The following DPP10 variants were observed in gnomAD, a reference collection of about 807,000 sequenced individuals.
DPP10 encodes the protein inactive dipeptidyl peptidase 10.
In DPP10, 33 loss-of-function variants were observed where a neutral mutation model predicts 120.9. The observed-to-expected ratio is 0.27, with a 90% CI of 0.21 to 0.37. The LOEUF is 0.37. DPP10 is among the 10% of genes least tolerant of loss of function. The pLI is 1.00. For missense variants in DPP10, 816 were observed against 942.8 expected (o/e 0.87, Z 1.76); for synonymous variants, 337 against 326.1 (o/e 1.03, Z -0.36).
chr2:115,273,486 G>A (rs1222804552), intron 1 of DPP10, among the ~76,000 whole-genome samples: 4 of 152,068 alleles, frequency 2.6e-5, no homozygotes, highest in Non-Finnish European at 4.4e-5. Flanking sequence ...ACAGGCGCCC[G>A]CCACCATGCC....
At chr2:114,480,835 T>G (rs1680967764) in intron 1 of DPP10, among the ~76,000 whole-genome samples, 1 of 151,646 alleles carries the variant, frequency 6.6e-6, no homozygotes. Flanking sequence ...TGTGCACATG[T>G]ACCCTAGAAC....
chr2:114,482,222 A>G (rs1306681813), intron 1 of DPP10, among the ~76,000 whole-genome samples: 8 of 152,126 alleles, frequency 5.3e-5, no homozygotes, highest in Non-Finnish European at 1.2e-4. Context: ...AAAAAATGCC[A>G]ATGTTTTAGA....
At chr2:115,674,685 C>A (rs1351384907) in intron 5 of DPP10, among the ~76,000 whole-genome samples, 1 of 152,076 alleles carries the variant, frequency 6.6e-6, no homozygotes, top group African/African-American at 2.4e-5. Context: ...ACATGCCAGT[C>A]CAGCTGAATA....
At chr2:115,779,798 G>T (rs1489853630) in intron 15 of DPP10, among the ~76,000 whole-genome samples, 1 of 151,712 alleles carries the variant, frequency 6.6e-6, no homozygotes. Context: ...GAAAAAAAAT[G>T]GCTATGGATA....
intron 5 of DPP10, among the ~76,000 whole-genome samples, chr2:115,626,785 A>T (rs192671609): frequency 6.6e-6 from 1 of 152,284 alleles, no homozygotes; most frequent in East Asian, 1.9e-4. Context: ...ATTTTCATCC[A>T]TCTTAAATTT....
chr2:115,621,973 C>T (rs1016145511), intron 5 of DPP10, among the ~76,000 whole-genome samples: 1 of 152,180 alleles, frequency 6.6e-6, no homozygotes, highest in Non-Finnish European at 1.5e-5. Context: ...CCACCACGCC[C>T]AGCCACAAAT....
chr2:115,155,406 G>A (rs1040083354), intron 1 of DPP10, among the ~76,000 whole-genome samples: 1 of 151,796 alleles, frequency 6.6e-6, no homozygotes, highest in Non-Finnish European at 1.5e-5. Context: ...AAGGTCAGGG[G>A]ACCCCTGAAG....
intron 4 of DPP10, among the ~76,000 whole-genome samples, chr2:115,518,402 T>A (rs1187429652): frequency 6.6e-6 from 1 of 152,174 alleles, no homozygotes; most frequent in East Asian, 1.9e-4. Context: ...AAACCTAAAA[T>A]GAGCCTTTGA....
At chr2:115,090,344 C>G (rs1709140084) in intron 1 of DPP10, among the ~76,000 whole-genome samples, 1 of 152,058 alleles carries the variant, frequency 6.6e-6, no homozygotes, top group Non-Finnish European at 1.5e-5. Context: ...TCTGTTATTA[C>G]CTCTCTTAAT....
rs779391922 is a variant in DPP10, at chr2:115,836,141, TA to T, written c.1951-15del. On this transcript the variant is annotated splice_polypyrimidine_tract_variant and intron_variant, in intron 21 of 25. Coordinates refer to ENST00000410059, the MANE Select transcript of DPP10 (RefSeq NM_020868.6). ...TGAGATATATATATATATATATATA[TA>T]TTTTTCCCCCCCAGGGTTATGGTGG... is the stretch of plus-strand genomic sequence containing the variant. 176 of 1,376,488 alleles carry T rather than the reference TA, an allele frequency of 1.3e-4. No individual in the cohort carries two copies. Among genetic ancestry groups the T allele is most frequent in the South Asian group, 5.0e-4 (34 of 67,956 alleles). The allele number at this position is 1,376,488 out of a possible 1,614,324, so 85.3% of individuals were successfully genotyped here. A position where few individuals can be genotyped will look rare whatever the true frequency, so the allele number is the denominator to read the frequency against.
At chr2:114,860,324 C>T (rs1446817535) in intron 1 of DPP10, among the ~76,000 whole-genome samples, 5 of 152,110 alleles carry the variant, frequency 3.3e-5, no homozygotes, top group South Asian at 2.1e-4. Context: ...CCAGAAGCTA[C>T]GCCTGTTATT....
At chr2:115,331,421 T>C (rs2062723421) in intron 2 of DPP10, among the ~76,000 whole-genome samples, 1 of 152,186 alleles carries the variant, frequency 6.6e-6, no homozygotes. Flanking sequence ...TATTTCTTCC[T>C]CCTGCCTGAT....
chr2:114,714,373 A>G (rs1439753636), intron 1 of DPP10, among the ~76,000 whole-genome samples: 1 of 152,230 alleles, frequency 6.6e-6, no homozygotes, highest in Non-Finnish European at 1.5e-5. Context: ...CCTTGGAAAT[A>G]GATAATCAAG....
At chr2:114,975,280 A>AAG (rs1699678751) in intron 1 of DPP10, among the ~76,000 whole-genome samples, 1 of 152,106 alleles carries the variant, frequency 6.6e-6, no homozygotes, top group Non-Finnish European at 1.5e-5. Context: ...TCTTGACCTC[A>AAG]TGATCCACTC....
intron 1 of DPP10, among the ~76,000 whole-genome samples, chr2:114,895,093 T>G (rs962023944): frequency 6.6e-6 from 1 of 152,206 alleles, no homozygotes; most frequent in African/African-American, 2.4e-5. Context: ...TACAAGTAGT[T>G]CATAATTGTC....
chr2:115,434,444 G>A (rs2071291320), intron 3 of DPP10, among the ~76,000 whole-genome samples: 1 of 151,864 alleles, frequency 6.6e-6, no homozygotes, highest in African/African-American at 2.4e-5. Context: ...GCCAGTGCAG[G>A]CAAAATAGGG....
At chr2:115,767,493 A>G (rs1303874039) in intron 12 of DPP10, among the ~76,000 whole-genome samples, 4 of 133,620 alleles carry the variant, frequency 3.0e-5, no homozygotes, top group Non-Finnish European at 6.6e-5. Flanking sequence ...GTGTGTGTAT[A>G]TATATATACA....
chr2:115,626,231 A>G (rs768259381), intron 5 of DPP10, among the ~76,000 whole-genome samples: 1 of 151,934 alleles, frequency 6.6e-6, no homozygotes, highest in Admixed American at 6.6e-5. Context: ...ATTTAAACAA[A>G]CAAAATTAAA....
chr2:115,395,121 T>C (rs1207548797), intron 3 of DPP10, among the ~76,000 whole-genome samples: 2 of 152,162 alleles, frequency 1.3e-5, no homozygotes. Context: ...ATGAATGAAA[T>C]GTATTTTCTC....
Sources: gnomAD v4.1 joint callset for allele counts (sites outside exome capture counted in the v4.1 genomes callset) on GRCh38, gnomAD v4.1.1 for gene constraint, MANE v1.5 for transcripts, NCBI Gene and HGNC (gene_info 2026-07-23, HGNC 2026-07-21) for gene names.